The following ERC2 variants were observed in gnomAD, a reference collection of about 807,000 sequenced individuals.
The protein encoded by ERC2 is ERC protein 2.
ERC2 carries 42 observed loss-of-function variants against 114.8 expected under a neutral mutation model. The observed-to-expected ratio is 0.37, with a 90% confidence interval of 0.29 to 0.47. The LOEUF (loss-of-function observed/expected upper bound fraction) is 0.47. Among genes scored for constraint, ERC2 ranks in the 20% least tolerant of loss-of-function variants. The pLI, the probability that ERC2 is intolerant of heterozygous loss-of-function variation, is 0.99. For synonymous variants in ERC2, 454 were observed against 425.5 expected, an observed-to-expected ratio of 1.07 and a Z score of -0.82; for missense variants, 939 against 1,150.7, an observed-to-expected ratio of 0.82 and a Z score of 2.66.
intron 3 of ERC2, among the ~76,000 whole-genome samples, chr3:56,199,458 CT>C (rs2048288665): frequency 6.6e-6 from 1 of 151,984 alleles, no homozygotes; most frequent in African/African-American, 2.4e-5. Flanking sequence ...TTGATTTTAA[CT>C]CTAAAGGACA....
chr3:55,865,224 T>C (rs573346376), intron 14 of ERC2, among the ~76,000 whole-genome samples: 2 of 150,598 alleles, frequency 1.3e-5, no homozygotes, highest in South Asian at 2.1e-4. Context: ...AAAATAAATA[T>C]AAGTTGATTG....
At chr3:56,328,234 G>A (rs915857540) in intron 2 of ERC2, among the ~76,000 whole-genome samples, 55 of 152,150 alleles carry the variant, frequency 3.6e-4, no homozygotes, top group African/African-American at 1.3e-3. Flanking sequence ...CAGCTGGAAT[G>A]TCCCCTCCCC....
chr3:55,725,232 C>T (rs1452117609), intron 15 of ERC2, among the ~76,000 whole-genome samples: 1 of 152,086 alleles, frequency 6.6e-6, no homozygotes, highest in Non-Finnish European at 1.5e-5. Context: ...TTTCTAAAAG[C>T]CAGGGAACAC....
At chr3:56,397,221 C>T (rs889628145) in intron 2 of ERC2, among the ~76,000 whole-genome samples, 4 of 152,092 alleles carry the variant, frequency 2.6e-5, no homozygotes, top group Non-Finnish European at 5.9e-5. Flanking sequence ...CAGTGGCATG[C>T]ACCTGTAGTC....
intron 1 of ERC2, among the ~76,000 whole-genome samples, chr3:56,463,513 G>A (rs2063410149): frequency 1.3e-5 from 2 of 152,124 alleles, no homozygotes; most frequent in African/African-American, 2.4e-5. Flanking sequence ...AGACAAAATT[G>A]GGGTTCTTTT....
intron 3 of ERC2, among the ~76,000 whole-genome samples, chr3:56,262,368 C>A (rs1406292940): frequency 6.6e-6 from 1 of 152,124 alleles, no homozygotes; most frequent in African/African-American, 2.4e-5. Context: ...GAGTCATCAA[C>A]AAGTGAGGAT....
At chr3:56,332,174 T>C (rs763708853) in intron 2 of ERC2, among the ~76,000 whole-genome samples, 1 of 151,664 alleles carries the variant, frequency 6.6e-6, no homozygotes, top group Admixed American at 6.6e-5. Flanking sequence ...ACACAAGAGA[T>C]TTCAAACACA....
At chr3:56,320,806 C>T (rs866264941) in intron 2 of ERC2, among the ~76,000 whole-genome samples, 1 of 152,106 alleles carries the variant, frequency 6.6e-6, no homozygotes, top group Non-Finnish European at 1.5e-5. Context: ...AGAGTGGGAG[C>T]ATATCAGTCA....
chr3:55,673,676 G>C (rs1034346981), intron 17 of ERC2, among the ~76,000 whole-genome samples: 1 of 152,142 alleles, frequency 6.6e-6, no homozygotes, highest in Non-Finnish European at 1.5e-5. Flanking sequence ...AGCACCAGGG[G>C]AGACAAGTAC....
intron 2 of ERC2, 74 bp downstream of exon 2, chr3:56,434,276 TG>T: frequency 7.1e-7 from 1 of 1,405,244 alleles, no homozygotes; most frequent in Non-Finnish European, 9.8e-7. Context: ...GCACAGGTCG[TG>T]GTACCATCTG....
chr3:56,073,443 A>T (rs971838946), intron 7 of ERC2, among the ~76,000 whole-genome samples: 11 of 152,196 alleles, frequency 7.2e-5, no homozygotes, highest in Admixed American at 6.5e-4. Flanking sequence ...ATATCTCCAG[A>T]CATTAGCAAA....
intron 3 of ERC2, among the ~76,000 whole-genome samples, chr3:56,176,686 T>C (rs190477305): frequency 6.6e-5 from 10 of 152,294 alleles, no homozygotes; most frequent in Non-Finnish European, 1.5e-4. Flanking sequence ...GTAATCTATA[T>C]CCAGACAACA....
At chr3:55,800,655 G>A (rs183340233) in intron 14 of ERC2, among the ~76,000 whole-genome samples, 4 of 152,122 alleles carry the variant, frequency 2.6e-5, no homozygotes, top group Admixed American at 2.6e-4. Flanking sequence ...CAAGAGTAGA[G>A]GCCAAGAGGC....
intron 14 of ERC2, among the ~76,000 whole-genome samples, chr3:55,884,372 A>G (rs562324526): frequency 3.9e-4 from 60 of 152,216 alleles, no homozygotes; most frequent in Non-Finnish European, 6.8e-4. Context: ...ATTTGCAAAG[A>G]TATACACCAA....
At chr3:55,960,406 C>A (rs185549373) in intron 12 of ERC2, among the ~76,000 whole-genome samples, 3 of 152,230 alleles carry the variant, frequency 2.0e-5, no homozygotes, top group Admixed American at 6.5e-5. Flanking sequence ...CTCTCCACAG[C>A]CACCACTCCT....
At chr3:56,172,521 C>G (rs934715543) in intron 4 of ERC2, among the ~76,000 whole-genome samples, 1 of 152,144 alleles carries the variant, frequency 6.6e-6, no homozygotes, top group Non-Finnish European at 1.5e-5. Flanking sequence ...TGAGAAGATG[C>G]ATTATCCTAT....
chr3:56,149,200 G>A (rs2081295022), intron 4 of ERC2, 68 bp from the exon 5 acceptor site: 4 of 1,437,160 alleles, frequency 2.8e-6, no homozygotes, highest in Non-Finnish European at 3.7e-6. Context: ...CATCAAAACA[G>A]AATTTAAGAA....
At chr3:55,996,017 G>A (rs907450042) in intron 10 of ERC2, among the ~76,000 whole-genome samples, 24 of 152,172 alleles carry the variant, frequency 1.6e-4, no homozygotes, top group African/African-American at 5.5e-4. Flanking sequence ...TCAAAAGTAG[G>A]TAACAGACTT....
At chr3:56,416,678 A>AC (rs2061173057) in intron 2 of ERC2, among the ~76,000 whole-genome samples, 1 of 151,414 alleles carries the variant, frequency 6.6e-6, no homozygotes, top group Non-Finnish European at 1.5e-5. Flanking sequence ...AAAAAAAAAA[A>AC]AAACTCCTGA....
Sources: allele counts gnomAD v4.1 joint callset (sites outside exome capture counted in the v4.1 genomes callset), GRCh38; gene constraint gnomAD v4.1.1; transcripts MANE v1.5; gene names NCBI Gene and HGNC (gene_info 2026-07-23, HGNC 2026-07-21).